DENND1A: variants seen among roughly 807,000 people sequenced by gnomAD.
The protein encoded by DENND1A is DENN domain containing 1A, also known as DENN domain-containing protein 1A.
A neutral mutation model predicts 113.7 loss-of-function variants in DENND1A; 51 were observed. The observed-to-expected ratio is 0.45, with a 90% CI of 0.36 to 0.57. The LOEUF (loss-of-function observed/expected upper bound fraction) is 0.57, where lower values mean the gene tolerates loss of function less well. Among genes scored for constraint, DENND1A ranks in the 20% least tolerant of loss-of-function variants. The pLI, the probability that DENND1A is intolerant of heterozygous loss-of-function variation, is 0.00. For synonymous variants in DENND1A, 565 were observed against 570.8 expected (o/e 0.99, Z 0.14); for missense variants, 1,258 against 1,395.9 (o/e 0.90, Z 1.57).
intron 9 of DENND1A, 30 bp from the exon 10 acceptor site, chr9:123,630,506 A>G (rs1243615700): frequency 4.8e-6 from 7 of 1,469,080 alleles, no homozygotes; most frequent in Non-Finnish European, 5.5e-6. Flanking sequence ...AGATCAATGA[A>G]CAAATCCAAG....
intron 21 of DENND1A, among the ~76,000 whole-genome samples, chr9:123,389,635 A>G (rs946186042): frequency 2.6e-5 from 4 of 152,254 alleles, no homozygotes; most frequent in African/African-American, 9.6e-5. Flanking sequence ...GCTAAAACCT[A>G]TAAATCTGCC....
chr9:123,537,011 A>C (rs2055838816), intron 13 of DENND1A, among the ~76,000 whole-genome samples: 1 of 152,234 alleles, frequency 6.6e-6, no homozygotes, highest in Admixed American at 6.5e-5. Flanking sequence ...AAGAAAAATA[A>C]AAAGAGACAG....
At chr9:123,743,936 C>G (rs17216483) in intron 5 of DENND1A, among the ~76,000 whole-genome samples, 3,785 of 151,876 alleles carry the variant, frequency 0.025, 52 homozygotes, top group Middle Eastern at 0.031. Context: ...AGCGTAAGTC[C>G]GTTTCACAAA....
At chr9:123,414,019 C>T (rs2044521053) in intron 19 of DENND1A, 58 of 989,972 alleles carry the variant, frequency 5.9e-5, no homozygotes, top group Non-Finnish European at 6.8e-5. Context: ...TCCAGCCCCA[C>T]TGTCTTCACT....
chr9:123,645,252 C>A (rs528606217), intron 9 of DENND1A, among the ~76,000 whole-genome samples: 1 of 152,282 alleles, frequency 6.6e-6, no homozygotes, highest in Non-Finnish European at 1.5e-5. Context: ...GAGTGCTAGA[C>A]AGCTTTTATC....
intron 9 of DENND1A, among the ~76,000 whole-genome samples, chr9:123,637,910 AACACAC>A (rs10539797): frequency 3.4e-5 from 5 of 146,126 alleles, no homozygotes; most frequent in African/African-American, 1.0e-4. Flanking sequence ...GGAAGGAATA[AACACAC>A]ACACACACAC....
chr9:123,391,260 C>T (rs779684072), intron 21 of DENND1A, among the ~76,000 whole-genome samples: 12 of 152,342 alleles, frequency 7.9e-5, no homozygotes, highest in Non-Finnish European at 1.3e-4. Context: ...GAATACACCA[C>T]CTGTCTCTTG....
chr9:123,765,447 G>A, intron 4 of DENND1A, among the ~76,000 whole-genome samples: 1 of 152,300 alleles, frequency 6.6e-6, no homozygotes, highest in Admixed American at 6.5e-5. Context: ...ATGGTAAGTA[G>A]CATTTGAGCC....
intron 5 of DENND1A, among the ~76,000 whole-genome samples, chr9:123,700,189 C>A (rs1490411782): frequency 6.6e-6 from 1 of 152,154 alleles, no homozygotes; most frequent in East Asian, 1.9e-4. Flanking sequence ...TGTCCTCCAA[C>A]TTTATTCTTC....
At chr9:123,517,504 A>T (rs1470346842) in intron 13 of DENND1A, among the ~76,000 whole-genome samples, 1 of 151,754 alleles carries the variant, frequency 6.6e-6, no homozygotes, top group Non-Finnish European at 1.5e-5. Flanking sequence ...CTGAATTCCC[A>T]GTTATTTGGG....
chr9:123,507,006 T>C (rs2053011396), intron 13 of DENND1A, among the ~76,000 whole-genome samples: 1 of 152,064 alleles, frequency 6.6e-6, no homozygotes, highest in African/African-American at 2.4e-5. Flanking sequence ...GCCAACATGG[T>C]GAAACTCAGT....
At chr9:123,396,665 C>T (rs1322786251) in intron 21 of DENND1A, among the ~76,000 whole-genome samples, 3 of 152,200 alleles carry the variant, frequency 2.0e-5, no homozygotes, top group East Asian at 3.8e-4. Flanking sequence ...GCTGGGGTCA[C>T]GCAGTGCAAT....
intron 5 of DENND1A, among the ~76,000 whole-genome samples, chr9:123,728,844 G>A (rs2067945928): frequency 6.6e-6 from 1 of 152,224 alleles, no homozygotes; most frequent in East Asian, 1.9e-4. Context: ...TATCGCTGAT[G>A]AACATCGATG....
At chr9:123,478,547 C>T (rs1009727820) in intron 13 of DENND1A, among the ~76,000 whole-genome samples, 2 of 152,192 alleles carry the variant, frequency 1.3e-5, no homozygotes, top group Admixed American at 6.5e-5. Flanking sequence ...CTGCTACTCA[C>T]GTTCAAACAG....
intron 5 of DENND1A, among the ~76,000 whole-genome samples, chr9:123,691,056 C>A (rs1460134812): frequency 6.6e-6 from 1 of 152,180 alleles, no homozygotes; most frequent in Non-Finnish European, 1.5e-5. Flanking sequence ...AAGACAGCAA[C>A]CCTCCCTTAT....
At chr9:123,401,721 G>A in intron 21 of DENND1A, 4 of 1,596,280 alleles carry the variant, frequency 2.5e-6, no homozygotes, top group Non-Finnish European at 3.4e-6. Context: ...CAGGTGATAA[G>A]CAGGAAAATG....
chr9:123,463,522 A>T (rs1239586047), intron 13 of DENND1A, among the ~76,000 whole-genome samples: 2 of 152,144 alleles, frequency 1.3e-5, no homozygotes, highest in Middle Eastern at 3.2e-3. Context: ...TACTGATTTA[A>T]TTTTTATCAA....
At chr9:123,783,960 T>C (rs1226743765) in intron 3 of DENND1A, among the ~76,000 whole-genome samples, 2 of 152,192 alleles carry the variant, frequency 1.3e-5, no homozygotes, top group Non-Finnish European at 2.9e-5. Context: ...CTGAAGTGAC[T>C]AATTTCATCA....
intron 9 of DENND1A, among the ~76,000 whole-genome samples, chr9:123,643,674 T>C (rs1054120928): frequency 6.6e-6 from 1 of 152,162 alleles, no homozygotes; most frequent in African/African-American, 2.4e-5. Context: ...ATGGTAGGAA[T>C]AGGGTGCAGG....
Sources: allele counts gnomAD v4.1 joint callset (sites outside exome capture counted in the v4.1 genomes callset), GRCh38; gene constraint gnomAD v4.1.1; transcripts MANE v1.5; gene names NCBI Gene and HGNC (gene_info 2026-07-23, HGNC 2026-07-21).